Variants in HLA-DRB5 observed in about 807,000 individuals in gnomAD.
HLA-DRB5 encodes major histocompatibility complex, class II, DR beta 5.
Under a neutral mutation model 22.4 loss-of-function variants are expected in HLA-DRB5, and 11 were observed. The ratio of observed to expected loss-of-function variants is 0.49; its 90% CI spans 0.31 to 0.81. The LOEUF (loss-of-function observed/expected upper bound fraction) is 0.81. HLA-DRB5 is among the 40% of genes least tolerant of loss of function. HLA-DRB5 has a pLI of 0.05. For missense variants in HLA-DRB5, 106 were observed against 274.4 expected (o/e 0.39, Z 4.34); for synonymous variants, 57 against 106.0 (o/e 0.54, Z 2.84).
At chr6:32,525,827 T>C (rs1769543500) in intron 1 of HLA-DRB5, among the ~76,000 whole-genome samples, 1 of 127,732 alleles carries the variant, frequency 7.8e-6, no homozygotes, top group African/African-American at 3.0e-5. Context: ...GAGACCAGAT[T>C]CATTTTATTC....
In HLA-DRB5 at chr6:32,522,919, C is replaced by T. The variant is rs552900773; in HGVS notation, c.101-745G>A. On this transcript the variant is annotated intron_variant, in intron 1 of 5. Transcript: ENST00000374975. ...CTGTTTGGGCAAAACGGGGGAAGCA[C>T]ATTTCAGGTTTAGGAAATACCATGC... Among the ~76,000 whole-genome samples the T allele has an allele frequency of 1.5e-4, 8 of 54,298 alleles. 2 individuals carry two copies. Among genetic ancestry groups the T allele is most frequent in the Admixed American group, 9.0e-4 (4 of 4,466 alleles). The allele number at this position is 54,298 out of a possible 152,430, so 35.6% of individuals were successfully genotyped here.
chr6:32,524,285 C>T (rs74333782), intron 1 of HLA-DRB5, among the ~76,000 whole-genome samples: 30,422 of 119,902 alleles, frequency 0.25, 1,121 homozygotes, highest in Admixed American at 0.29. Context: ...GCATTACCAA[C>T]CAGTCACCAA....
At chr6:32,521,065 A>G (rs1768797605) in intron 2 of HLA-DRB5, among the ~76,000 whole-genome samples, 1 of 38,074 alleles carries the variant, frequency 2.6e-5, no homozygotes, top group Non-Finnish European at 5.4e-5. Flanking sequence ...AATAAATTAA[A>G]TAATAACCAG....
chr6:32,527,151 A>T (rs1024001680), intron 1 of HLA-DRB5, among the ~76,000 whole-genome samples: 744 of 54,710 alleles, frequency 0.014, 19 homozygotes, highest in Middle Eastern at 0.044. Flanking sequence ...AGTCTTCCTA[A>T]CCACTTGTCA....
At chr6:32,522,255 T>C in intron 1 of HLA-DRB5, 81 bp from the exon 2 acceptor site, 1 of 491,548 alleles carries the variant, frequency 2.0e-6, no homozygotes, top group Non-Finnish European at 3.0e-6. Flanking sequence ...CGGGGCTCCC[T>C]GGGCGGGGTG....
chr6:32,529,312 A>ACATTGAC (rs1770036779), intron 1 of HLA-DRB5, among the ~76,000 whole-genome samples: 18 of 64,548 alleles, frequency 2.8e-4, no homozygotes, highest in African/African-American at 4.0e-4. Context: ...AATTTGTCCT[A>ACATTGAC]TGTTAGTTGA....
At chr6:32,529,272 T>C (rs796614501) in intron 1 of HLA-DRB5, among the ~76,000 whole-genome samples, 68 of 107,566 alleles carry the variant, frequency 6.3e-4, no homozygotes, top group Middle Eastern at 5.0e-3. Context: ...TATTTGACTA[T>C]TTTTGACTTA....
intron 1 of HLA-DRB5, among the ~76,000 whole-genome samples, chr6:32,523,781 CTG>C (rs1329304462): frequency 0.06 from 4,433 of 73,566 alleles, 3 homozygotes; most frequent in Non-Finnish European, 0.074. Context: ...CCATAAAGAA[CTG>C]AATTGGGTGC....
intron 1 of HLA-DRB5, among the ~76,000 whole-genome samples, chr6:32,528,982 G>GCC (rs1769977119): frequency 3.2e-5 from 4 of 124,942 alleles, no homozygotes; most frequent in African/African-American, 6.2e-5. Flanking sequence ...ATCTCATAGT[G>GCC]CTAAGGATCT....
intron 1 of HLA-DRB5, 54 bp downstream of exon 1, chr6:32,530,071 A>C: frequency 1.0e-6 from 1 of 979,848 alleles, no homozygotes. Flanking sequence ...ATGTTAACAA[A>C]ACTCCCTATT....
chr6:32,527,103 C>CCATGAG (rs1214580847), intron 1 of HLA-DRB5, among the ~76,000 whole-genome samples: 1,500 of 64,322 alleles, frequency 0.023, 26 homozygotes, highest in Middle Eastern at 0.062. Flanking sequence ...TGAACTCAAG[C>CCATGAG]CTATTTTCCC....
Position 32,521,966 on chromosome 6 carries a change from C to CTG in HLA-DRB5, c.308_309insCA (p.Val104ArgfsTer26), listed in dbSNP as rs770213674. The stretch of plus-strand genomic sequence containing the variant: ...AGTTGTGTCTGCAGTAGGTGTCCAC[C>CTG]GCGGCGCGCCTGTCTTCCAGGAAGT... On this transcript the variant is annotated frameshift_variant, in exon 2 of 6. Transcript: ENST00000374975. LOFTEE classifies it high-confidence loss of function. 226,610 of 1,243,190 alleles carry CTG rather than the reference C, an allele frequency of 0.18. 33,908 individuals carry two copies. Among genetic ancestry groups the CTG allele is most frequent in the Middle Eastern group, 0.37 (1,817 of 4,872 alleles). The allele number at this position is 1,243,190 out of a possible 1,614,324, so 77.0% of individuals were successfully genotyped here.
At chr6:32,528,078 G>A (rs375306120) in intron 1 of HLA-DRB5, among the ~76,000 whole-genome samples, 1,098 of 38,352 alleles carry the variant, frequency 0.029, 12 homozygotes, top group Admixed American at 0.04. Context: ...CCCACACCAG[G>A]GCTTCCCCCC....
At chr6:32,526,293 GAAAA>G (rs1185027364) in intron 1 of HLA-DRB5, among the ~76,000 whole-genome samples, 325 of 24,996 alleles carry the variant, frequency 0.013, 9 homozygotes, top group Non-Finnish European at 0.014. Context: ...CCTTCTCCTT[GAAAA>G]AAAAAAATCT....
intron 1 of HLA-DRB5, among the ~76,000 whole-genome samples, chr6:32,525,190 T>C (rs191843781): frequency 0.072 from 3,560 of 49,380 alleles, 226 homozygotes; most frequent in African/African-American, 0.079. Context: ...ACTCTCATAT[T>C]CTAGAATCAG....
chr6:32,518,993 C>G (rs1768457370), intron 3 of HLA-DRB5, among the ~76,000 whole-genome samples: 1 of 109,652 alleles, frequency 9.1e-6, no homozygotes, highest in African/African-American at 3.2e-5. Context: ...GGACTCCCCT[C>G]ATGTCAGGAA....
At chr6:32,518,711 C>T in intron 3 of HLA-DRB5, 45 bp from the exon 4 acceptor site, 1 of 500,464 alleles carries the variant, frequency 2.0e-6, no homozygotes, top group South Asian at 2.5e-5. Context: ...CCAAATTGAA[C>T]CTTTTTAATT....
intron 1 of HLA-DRB5, among the ~76,000 whole-genome samples, 183 bp from the exon 2 acceptor site, chr6:32,522,357 T>A (rs572264676): frequency 2.4e-5 from 1 of 40,888 alleles, no homozygotes; most frequent in African/African-American, 9.4e-5. Flanking sequence ...GAACGGGGTG[T>A]CTGGGGGACC....
intron 1 of HLA-DRB5, among the ~76,000 whole-genome samples, chr6:32,522,983 A>G (rs73726176): frequency 0.43 from 49,630 of 115,606 alleles, 15,392 homozygotes; most frequent in Middle Eastern, 0.59. Context: ...AAGAAACTAG[A>G]ACAAAGTTCA....
Sources: gnomAD v4.1 joint callset for allele counts (sites outside exome capture counted in the v4.1 genomes callset) on GRCh38, gnomAD v4.1.1 for gene constraint, MANE v1.5 for transcripts, NCBI Gene and HGNC (gene_info 2026-07-23, HGNC 2026-07-21) for gene names.